The following DMD variants were observed in gnomAD, a reference collection of about 807,000 sequenced individuals.
DMD encodes the protein mutant dystrophin.
DMD carries 63 observed loss-of-function variants against 330.1 expected under a neutral mutation model. That is an observed-to-expected ratio of 0.19 (90% CI 0.16 to 0.24). DMD has a LOEUF of 0.24. DMD is among the 10% of genes least tolerant of loss of function. The pLI, the probability that DMD is intolerant of heterozygous loss-of-function variation, is 1.00. For synonymous variants in DMD, 1,223 were observed against 959.8 expected, an observed-to-expected ratio of 1.27 and a Z score of -5.07; for missense variants, 3,344 against 2,684.1, an observed-to-expected ratio of 1.25 and a Z score of -5.43.
At chrX:33,008,818 A>ACG (rs1569548684) in intron 2 of DMD, among the ~76,000 whole-genome samples, 66 of 69,917 alleles carry the variant, frequency 9.4e-4, no homozygotes, top group African/African-American at 2.6e-3. Context: ...ATATACACAT[A>ACG]AATGTATACG....
At chrX:32,301,343 CTATT>C (rs1345597447) in intron 42 of DMD, among the ~76,000 whole-genome samples, 1 of 109,855 alleles carries the variant, frequency 9.1e-6, no homozygotes, top group East Asian at 2.8e-4. Context: ...ACTGATAACA[CTATT>C]TAATTTTTGC....
At chrX:32,381,139 G>A (rs1272131369) in intron 33 of DMD, among the ~76,000 whole-genome samples, 2 of 111,261 alleles carry the variant, frequency 1.8e-5, no homozygotes, top group Non-Finnish European at 3.8e-5. Context: ...CTCTCAAAAG[G>A]TAAAAGTATT....
chrX:32,261,357 CAGG>C (rs1013178273), intron 43 of DMD, among the ~76,000 whole-genome samples: 2 of 111,218 alleles, frequency 1.8e-5, no homozygotes, highest in African/African-American at 3.3e-5. Context: ...GATTGATGTC[CAGG>C]AGAATGAAAA....
At chrX:32,676,855 T>C (rs952195082) in intron 9 of DMD, among the ~76,000 whole-genome samples, 3 of 111,525 alleles carry the variant, frequency 2.7e-5, no homozygotes, top group African/African-American at 9.7e-5. Flanking sequence ...GTGTTAATCA[T>C]TGTCCGTAAT....
chrX:32,479,288 G>A (rs950844849), intron 21 of DMD, among the ~76,000 whole-genome samples: 14 of 110,225 alleles, frequency 1.3e-4, no homozygotes, highest in African/African-American at 2.0e-4. Context: ...TTTGTGATGC[G>A]GATATTAAAA....
chrX:31,944,259 C>T (rs528502373), intron 45 of DMD, among the ~76,000 whole-genome samples: 3 of 111,076 alleles, frequency 2.7e-5, no homozygotes, highest in Non-Finnish European at 3.8e-5. Flanking sequence ...CTACATGATG[C>T]GAGATATGAC....
rs1053135183 is a variant in DMD at position 31,610,882 on chromosome X, G to A, written c.8217+16791C>T. Reference sequence around the variant, plus strand: ...AAGGGAAAAACATGAAAATGGTAATGGAAGCCTTTAGGTGTCATCTGGCTT... The same window carrying A: ...AAGGGAAAAACATGAAAATGGTAATAGAAGCCTTTAGGTGTCATCTGGCTT... On this transcript the variant is annotated intron_variant, in intron 55 of 78. Transcript: ENST00000357033. Among the ~76,000 whole-genome samples, 3 of 111,232 alleles carry A rather than the reference G, an allele frequency of 2.7e-5. No individual in the cohort carries two copies. In the Admixed American group the frequency reaches 2.9e-4, roughly 11 times the overall value.
At chrX:32,607,008 G>T (rs1181526961) in intron 12 of DMD, among the ~76,000 whole-genome samples, 1 of 109,315 alleles carries the variant, frequency 9.1e-6, no homozygotes, top group Non-Finnish European at 1.9e-5. Context: ...TGGTAGGGGG[G>T]TGAGGGGTGA....
In DMD at chrX:32,964,255, C is replaced by CAAAAAAAAAAAAAAAAAAAA. The variant is rs781702491; in HGVS notation, c.93+55864_93+55883dup. ...CTGGTGACAGAGCAAGACTCCATCT[C>CAAAAAAAAAAAAAAAAAAAA]AAAAAAAAAAAAAAAAAAAATTCAC... On this transcript the variant is annotated intron_variant, in intron 2 of 78. Coordinates refer to ENST00000357033, the MANE Select transcript of DMD (RefSeq NM_004006.3). Among the ~76,000 whole-genome samples, 27 of 35,168 alleles carry CAAAAAAAAAAAAAAAAAAAA rather than the reference C, an allele frequency of 7.7e-4. 1 individual carries two copies. The highest frequency in any genetic ancestry group is 1.8e-3 in the African/African-American group (16 of 8,783). The allele number at this position is 35,168 out of a possible 115,157, so 30.5% of individuals were successfully genotyped here. A position where few individuals can be genotyped will look rare whatever the true frequency, so the allele number is the denominator to read the frequency against.
chrX:32,958,444 G>C (rs752867641), intron 2 of DMD, among the ~76,000 whole-genome samples: 1 of 110,708 alleles, frequency 9.0e-6, no homozygotes, highest in African/African-American at 3.3e-5. Context: ...ACTGTAACTC[G>C]GATGTTGATT....
chrX:33,144,852 T>G (rs939147054), intron 1 of DMD, among the ~76,000 whole-genome samples: 6 of 112,042 alleles, frequency 5.4e-5, no homozygotes, highest in Non-Finnish European at 3.8e-5. Context: ...ACCATTTCCT[T>G]CATCATAGAT....
chrX:31,300,132 T>G (rs1431810714), intron 62 of DMD, among the ~76,000 whole-genome samples: 1 of 112,202 alleles, frequency 8.9e-6, no homozygotes, highest in African/African-American at 3.2e-5. Context: ...ACTGCGTCGG[T>G]TGATTTTATT....
chrX:33,023,418 C>G (rs2147783275), intron 1 of DMD, among the ~76,000 whole-genome samples: 1 of 111,708 alleles, frequency 9.0e-6, no homozygotes, highest in South Asian at 3.7e-4. Flanking sequence ...ATCACACCCA[C>G]TTCTACTGGT....
At chrX:31,679,232 A>G in intron 53 of DMD, 143 bp downstream of exon 53, 1 of 575,974 alleles carries the variant, frequency 1.7e-6, no homozygotes, top group Non-Finnish European at 2.7e-6. Context: ...GAAAATAAAT[A>G]TACAAAGTCT....
chrX:32,821,609 A>T (rs1254257500), intron 5 of DMD, among the ~76,000 whole-genome samples: 566 of 108,919 alleles, frequency 5.2e-3, no homozygotes, highest in African/African-American at 0.018. Context: ...AAAAAAAAAT[A>T]AAAATAAAAA....
At chrX:31,857,743 T>A (rs1330086376) in intron 48 of DMD, among the ~76,000 whole-genome samples, 1 of 110,545 alleles carries the variant, frequency 9.0e-6, no homozygotes, top group Non-Finnish European at 1.9e-5. Flanking sequence ...AGCAGTTAAC[T>A]TGGCCCTACG....
intron 1 of DMD, among the ~76,000 whole-genome samples, chrX:33,271,114 C>T (rs2053147252): frequency 9.0e-6 from 1 of 111,330 alleles, no homozygotes; most frequent in African/African-American, 3.3e-5. Context: ...TATAAAGTAA[C>T]TGTATAGCAT....
chrX:31,480,617 G>T (rs191497879), intron 57 of DMD, among the ~76,000 whole-genome samples: 1,096 of 102,543 alleles, frequency 0.011, 8 homozygotes, highest in Non-Finnish European at 0.018. Context: ...GTATTCTTGT[G>T]TTTTTTTTCA....
chrX:31,151,084 A>G (rs772997241), intron 74 of DMD, among the ~76,000 whole-genome samples: 1 of 111,891 alleles, frequency 8.9e-6, no homozygotes, highest in Admixed American at 9.5e-5. Flanking sequence ...CATCGAAGTA[A>G]GTACACCTTC....
Sources: allele counts gnomAD v4.1 joint callset (sites outside exome capture counted in the v4.1 genomes callset), GRCh38; gene constraint gnomAD v4.1.1; transcripts MANE v1.5; gene names NCBI Gene and HGNC (gene_info 2026-07-23, HGNC 2026-07-21).